Variants in HCFC1 observed in about 807,000 individuals in gnomAD.
The protein encoded by HCFC1 is host cell factor 1.
HCFC1 carries 7 observed loss-of-function variants against 105.5 expected under a neutral mutation model. The ratio of observed to expected loss-of-function variants is 0.07; its 90% CI spans 0.04 to 0.12. HCFC1 has a LOEUF of 0.12. HCFC1 is among the 10% of genes least tolerant of loss of function. HCFC1 has a pLI of 1.00. For synonymous variants in HCFC1, 918 were observed against 828.1 expected, an observed-to-expected ratio of 1.11 and a Z score of -1.86; for missense variants, 1,065 against 1,823.6, an observed-to-expected ratio of 0.58 and a Z score of 7.58.
Position 153,954,765 on chromosome X carries a change from C to T in HCFC1, c.3634G>A (p.Ala1212Thr). ...AGCCTGACTTTGCTGCTCAGAGGGG[C>T]CAACTGCACAAAAGCAGGGCTGCGG... is the stretch of plus-strand genomic sequence containing the variant. ...GGRSPAFVQL[A>T]PLSSKVRLSS... is the part of the protein sequence containing the mutation. Residue 1212 changes from alanine (A) to threonine (T), a missense_variant, in exon 17 of 26, where the codon GCC becomes ACC. Transcript: ENST00000310441. The T allele has an allele frequency of 8.5e-7, 1 of 1,171,763 alleles. No individual in the cohort carries two copies. The highest frequency in any genetic ancestry group is 1.1e-6 in the Non-Finnish European group (1 of 875,931).
Position 153,954,159 on chromosome X carries a change from G to GTGT in HCFC1, c.4237_4239dup (p.Thr1413dup), listed in dbSNP as rs2065344629. The GTGT allele has an allele frequency of 8.3e-7, 1 of 1,207,539 alleles. No individual in the cohort carries two copies. Among genetic ancestry groups the GTGT allele is most frequent in the African/African-American group, 1.8e-5 (1 of 56,796 alleles). On this transcript the variant is annotated inframe_insertion, in exon 17 of 26. Coordinates refer to ENST00000310441, the MANE Select transcript of HCFC1 (RefSeq NM_005334.3). ...CAGGGGGGGTTGGAGCACACCCTCT[G>GTGT]TGTTGGGAAAGGAGCCAGCAGCGCG... is the stretch of plus-strand genomic sequence containing the variant.
intron 6 of HCFC1, among the ~76,000 whole-genome samples, chrX:153,961,283 C>T (rs1256625840): frequency 8.9e-6 from 1 of 112,509 alleles, no homozygotes; most frequent in Non-Finnish European, 1.9e-5. Flanking sequence ...ACCGGAGAAC[C>T]GGGAGGAGGG....
Position 153,952,802 on chromosome X carries a change from T to G in HCFC1, c.4654A>C (p.Thr1552Pro), listed in dbSNP as rs1426797359. The G allele has an allele frequency of 1.7e-6, 2 of 1,203,638 alleles. No homozygotes were observed. Among genetic ancestry groups the G allele is most frequent in the African/African-American group, 3.5e-5 (2 of 57,351 alleles). The part of the protein sequence containing the change: ...ELPAAVDLSS[T>P]GEPSSGQESA... Reference sequence around the variant, plus strand: ...TCCTGGCCCGAAGATGGCTCCCCTGTGCTGCTCAGATCCACGGCGGCCGGG... The same window carrying G: ...TCCTGGCCCGAAGATGGCTCCCCTGGGCTGCTCAGATCCACGGCGGCCGGG... Residue 1552 changes from threonine to proline, a missense_variant, in exon 19 of 26, where the codon ACA becomes CCA. Transcript: ENST00000310441.
chrX:153,957,569 C>T (rs782075859), intron 12 of HCFC1, 36 bp from the exon 13 acceptor site: 117 of 1,082,360 alleles, frequency 1.1e-4, no homozygotes, highest in Non-Finnish European at 1.4e-4. Flanking sequence ...GCCGGCATCA[C>T]TGCCAGGAAG....
Position 153,970,694 on chromosome X carries a change from G to A in HCFC1, c.147C>T (p.Gly49=). The change falls in exon 1 of 26, where the codon GGC becomes GGT. Residue 49 remains glycine, a synonymous_variant. Transcript: ENST00000310441. ...CGTCCACTATTCCCTCGTTGCCGCC[G>A]CCAAACACCACGATGAGCTCCTTGA... ...VAIKELIVVF[G]GGNEGIVDEL... The A allele has an allele frequency of 3.3e-6, 4 of 1,209,418 alleles. No homozygotes were observed. Among genetic ancestry groups the A allele is most frequent in the Non-Finnish European group, 4.5e-6 (4 of 894,276 alleles).
chrX:153,970,810 G>T lies in HCFC1; in HGVS notation c.31C>A (p.Pro11Thr). 1 of 1,174,250 alleles carries T rather than the reference G, an allele frequency of 8.5e-7. No individual in the cohort carries two copies. The highest frequency in any genetic ancestry group is 1.1e-6 in the Non-Finnish European group (1 of 880,016). The change falls in exon 1 of 26, where the codon CCA becomes ACA. Residue 11 changes from proline (P) to threonine (T), a missense_variant. Physicochemically the swap from Pro to Thr is conservative, Grantham distance 38. Transcript: ENST00000310441. ...CAGCGGGGCTGCAGAAGCACCGCTG[G>T]CAAGTTGGCGGGCGACACGGCCGAA... is the stretch of plus-strand genomic sequence containing the variant. MASAVSPANL[P>T]AVLLQPRWKR...
In HCFC1 at chrX:153,971,464, G is replaced by A. The variant is rs1478753647; in HGVS notation, c.-624C>T. On this transcript the variant is annotated 5_prime_UTR_variant, in exon 1 of 26. Transcript: ENST00000310441. The stretch of plus-strand genomic sequence containing the variant: ...ACGAATGGAGGCGGGCCGGAGGCCG[G>A]TGGAACCAGCTCGAGCTCTCGAGGG... 1 of 295,099 alleles carries A rather than the reference G, an allele frequency of 3.4e-6. No individual in the cohort carries two copies. The highest frequency in any genetic ancestry group is 5.9e-6 in the Non-Finnish European group (1 of 168,696). The allele number at this position is 295,099 out of a possible 1,213,427, so 24.3% of individuals were successfully genotyped here.
intron 1 of HCFC1, among the ~76,000 whole-genome samples, chrX:153,968,649 G>A (rs2065495224): frequency 8.9e-6 from 1 of 112,653 alleles, no homozygotes; most frequent in Non-Finnish European, 1.9e-5. Flanking sequence ...TCATGCCAAA[G>A]TGGTCAATTC....
intron 2 of HCFC1, 90 bp downstream of exon 2, chrX:153,964,488 T>A: frequency 9.7e-7 from 1 of 1,029,102 alleles, no homozygotes; most frequent in Non-Finnish European, 1.3e-6. Flanking sequence ...CAAGCGTCCC[T>A]TCCACCTCCC....
intron 16 of HCFC1, 109 bp from the exon 17 acceptor site, chrX:153,955,651 A>C: frequency 2.5e-6 from 2 of 811,783 alleles, no homozygotes; most frequent in Non-Finnish European, 3.4e-6. Context: ...ACCACTTCTC[A>C]ACGGCCCTGG....
chrX:153,953,809 C>A (rs372180917), intron 17 of HCFC1, 39 bp from the exon 18 acceptor site: 4 of 1,160,608 alleles, frequency 3.4e-6, no homozygotes, highest in Non-Finnish European at 4.6e-6. Flanking sequence ...CAGCAGGAGC[C>A]CCCCCGGCCT....
chrX:153,953,411 C>T (rs982672694), intron 18 of HCFC1, among the ~76,000 whole-genome samples, 196 bp downstream of exon 18: 1 of 112,474 alleles, frequency 8.9e-6, no homozygotes, highest in African/African-American at 3.2e-5. Flanking sequence ...GAAATAAAAG[C>T]GCCCCAGAGA....
chrX:153,970,343 G>A (rs2065515631), intron 1 of HCFC1, among the ~76,000 whole-genome samples: 1 of 105,899 alleles, frequency 9.4e-6, no homozygotes, highest in South Asian at 4.4e-4. Flanking sequence ...CCTCAAACAC[G>A]GGAGAGACAA....
Position 153,956,267 on chromosome X carries a change from G to A in HCFC1, c.2780C>T (p.Thr927Ile). 1 of 1,212,611 alleles carries A rather than the reference G, an allele frequency of 8.2e-7. No individual in the cohort carries two copies. The highest frequency in any genetic ancestry group is 1.1e-6 in the Non-Finnish European group (1 of 895,641). ...ATLSSQVINP[T>I]AITVSAAQTT... ...CTGTGCGGCCGACACAGTGATGGCA[G>A]TGGGGTTGATCACCTGGCTTGAGAG... Residue 927 changes from threonine (T) to isoleucine (I), a missense_variant, in exon 16 of 26, where the codon ACT (threonine) becomes ATT (isoleucine). By Grantham distance (89) the Thr-to-Ile change is moderately conservative. Transcript: ENST00000310441.
Position 153,948,568 on chromosome X carries a change from A to C in HCFC1, c.*779T>G, listed in dbSNP as rs1557111573. The C allele has an allele frequency of 8.8e-6, 1 of 113,457 alleles. No individual in the cohort carries two copies. Among genetic ancestry groups the C allele is most frequent in the African/African-American group, 3.2e-5 (1 of 31,150 alleles). 9.4% of individuals were successfully genotyped at this position (113,457 alleles called of 1,213,427 possible). A position where few individuals can be genotyped will look rare whatever the true frequency, so the allele number is the denominator to read the frequency against. The stretch of plus-strand genomic sequence containing the variant: ...TTCTGTACACAGCTAACAACAACAA[A>C]AAAGGGACAAAACCCCACACGCTAA... On this transcript the variant is annotated 3_prime_UTR_variant, in exon 26 of 26. Transcript: ENST00000310441.
intron 16 of HCFC1, 111 bp from the exon 17 acceptor site, chrX:153,955,653 C>T (rs2065368011): frequency 1.3e-5 from 10 of 795,534 alleles, no homozygotes; most frequent in East Asian, 6.6e-5. Flanking sequence ...CACTTCTCAA[C>T]GGCCCTGGCA....
chrX:153,958,306 C>T, intron 10 of HCFC1, 57 bp from the exon 11 acceptor site: 4 of 953,807 alleles, frequency 4.2e-6, no homozygotes, highest in Non-Finnish European at 5.9e-6. Flanking sequence ...GGGAAACCAC[C>T]CAAGATGTCC....
rs782252289 is a variant in HCFC1, at chrX:153,947,633, G to C, written c.*1714C>G. 4 of 111,898 alleles carry C rather than the reference G, an allele frequency of 3.6e-5. No individual in the cohort carries two copies. Among genetic ancestry groups the C allele is most frequent in the African/African-American group, 6.5e-5 (2 of 30,736 alleles). 9.2% of individuals were successfully genotyped at this position (111,898 alleles called of 1,213,427 possible). A position where few individuals can be genotyped will look rare whatever the true frequency, so the allele number is the denominator to read the frequency against. Reference sequence around the variant, plus strand: ...CACTATGGTAATATTGAGTCACAGGGGTTACTCTACAATAGTGAACGGTGT... The same window carrying C: ...CACTATGGTAATATTGAGTCACAGGCGTTACTCTACAATAGTGAACGGTGT... On this transcript the variant is annotated 3_prime_UTR_variant, in exon 26 of 26. Transcript: ENST00000310441.
chrX:153,953,431 C>T (rs941644714), intron 18 of HCFC1, among the ~76,000 whole-genome samples, 176 bp downstream of exon 18: 7 of 112,315 alleles, frequency 6.2e-5, no homozygotes, highest in African/African-American at 1.3e-4. Flanking sequence ...ATGCGGGGGA[C>T]GGTGAGGCTC....
Sources: allele counts gnomAD v4.1 joint callset (sites outside exome capture counted in the v4.1 genomes callset), GRCh38; gene constraint gnomAD v4.1.1; transcripts MANE v1.5; gene names NCBI Gene and HGNC (gene_info 2026-07-23, HGNC 2026-07-21).